Variants in FBXW11 observed in about 807,000 individuals in gnomAD.
FBXW11 encodes F-box and WD repeat domain containing 11.
In FBXW11, 19 loss-of-function variants were observed where a neutral mutation model predicts 77.6. The ratio of observed to expected loss-of-function variants is 0.24; its 90% CI spans 0.17 to 0.36. The LOEUF is 0.36. Among genes scored for constraint, FBXW11 ranks in the 10% least tolerant of loss-of-function variants. The probability of loss-of-function intolerance (pLI) is 1.00; values close to 1 mark genes in which losing one functional copy is unlikely to be tolerated. For synonymous variants in FBXW11, 235 were observed against 249.4 expected (o/e 0.94, Z 0.54); for missense variants, 334 against 704.2 (o/e 0.47, Z 5.95).
chr5:171,990,801 G>A (rs1765694146), intron 1 of FBXW11, among the ~76,000 whole-genome samples: 1 of 152,060 alleles, frequency 6.6e-6, no homozygotes, highest in Non-Finnish European at 1.5e-5. Context: ...TGGCTAGAAG[G>A]AATGAGAAAC....
intron 4 of FBXW11, among the ~76,000 whole-genome samples, chr5:171,909,706 TGCACGTGC>T (rs1561673272): frequency 6.6e-6 from 1 of 152,116 alleles, no homozygotes; most frequent in Non-Finnish European, 1.5e-5. Flanking sequence ...TGTGTGTGTG[TGCACGTGC>T]GCGCGTGCAT....
chr5:171,985,154 G>A (rs1237311030), intron 1 of FBXW11, among the ~76,000 whole-genome samples: 1 of 152,010 alleles, frequency 6.6e-6, no homozygotes, highest in East Asian at 1.9e-4. Context: ...CCTTCCCTGG[G>A]ACATTCCAAC....
At chr5:171,940,937 T>A (rs927254387) in intron 2 of FBXW11, among the ~76,000 whole-genome samples, 1 of 149,522 alleles carries the variant, frequency 6.7e-6, no homozygotes, top group East Asian at 1.9e-4. Context: ...CTGCCTAAAC[T>A]TTAAACACTC....
intron 1 of FBXW11, among the ~76,000 whole-genome samples, chr5:171,987,069 A>C (rs10039636): frequency 3.1e-4 from 47 of 152,032 alleles, no homozygotes; most frequent in African/African-American, 1.1e-3. Context: ...ATGCTCTTTA[A>C]GAGAATCCAG....
chr5:171,975,985 A>T (rs1333351593), intron 1 of FBXW11, among the ~76,000 whole-genome samples: 1 of 152,192 alleles, frequency 6.6e-6, no homozygotes, highest in Non-Finnish European at 1.5e-5. Context: ...AGGAGACTAT[A>T]TACAGCATTT....
chr5:171,923,960 C>T (rs1761747125), intron 2 of FBXW11, among the ~76,000 whole-genome samples: 1 of 106,046 alleles, frequency 9.4e-6, no homozygotes, highest in Non-Finnish European at 1.7e-5. Flanking sequence ...GAGTCTTGCT[C>T]TGTTGCCCAG....
chr5:171,885,630 T>C (rs997036341), intron 7 of FBXW11, among the ~76,000 whole-genome samples: 1 of 152,238 alleles, frequency 6.6e-6, no homozygotes, highest in Non-Finnish European at 1.5e-5. Flanking sequence ...TCCCTTCTTT[T>C]AATCTTTCCA....
At chr5:171,896,628 C>A (rs1032978958) in intron 6 of FBXW11, among the ~76,000 whole-genome samples, 3 of 152,172 alleles carry the variant, frequency 2.0e-5, no homozygotes, top group Non-Finnish European at 4.4e-5. Flanking sequence ...CTAGACAGAC[C>A]TCAGTTAAAA....
intron 1 of FBXW11, among the ~76,000 whole-genome samples, chr5:171,965,433 C>T (rs1313721458): frequency 3.3e-5 from 5 of 150,870 alleles, no homozygotes; most frequent in African/African-American, 4.9e-5. Flanking sequence ...GGCTGAGGCA[C>T]GAGAATTGCT....
chr5:171,897,372 T>C (rs149475368), intron 6 of FBXW11, among the ~76,000 whole-genome samples: 50 of 152,306 alleles, frequency 3.3e-4, no homozygotes, highest in African/African-American at 1.1e-3. Context: ...CCAGTGGGTT[T>C]TTCCAAACCA....
chr5:171,893,421 C>CA (rs397999920), intron 6 of FBXW11, among the ~76,000 whole-genome samples: 917 of 39,804 alleles, frequency 0.023, 133 homozygotes, highest in African/African-American at 0.068. Context: ...ACTTCAAAAC[C>CA]AAAAAAAAAA....
intron 6 of FBXW11, 139 bp from the exon 7 acceptor site, chr5:171,891,743 C>T: frequency 1.3e-6 from 1 of 749,600 alleles, no homozygotes; most frequent in East Asian, 2.9e-5. Flanking sequence ...TGGATAGGAT[C>T]ATGCTCTTTT....
chr5:172,005,021 G>C (rs1766647763), intron 1 of FBXW11, among the ~76,000 whole-genome samples: 1 of 152,102 alleles, frequency 6.6e-6, no homozygotes, highest in Non-Finnish European at 1.5e-5. Context: ...TTATGCTACT[G>C]TACTTCCATT....
At chr5:171,872,819 C>A in intron 10 of FBXW11, 53 bp downstream of exon 10, 1 of 1,340,932 alleles carries the variant, frequency 7.5e-7, no homozygotes, top group Non-Finnish European at 1.1e-6. Context: ...GGAGATGAGT[C>A]AACAATGTGG....
intron 6 of FBXW11, among the ~76,000 whole-genome samples, chr5:171,892,524 C>G (rs527346314): frequency 4.5e-4 from 68 of 152,268 alleles, no homozygotes; most frequent in Admixed American, 7.8e-4. Context: ...TGCGGCAGTG[C>G]ACACAGAACG....
intron 9 of FBXW11, among the ~76,000 whole-genome samples, chr5:171,875,250 T>TAAAAAA (rs55689036): frequency 6.7e-6 from 1 of 148,188 alleles, no homozygotes; most frequent in Admixed American, 6.6e-5. Flanking sequence ...TCTGTACTTT[T>TAAAAAA]AAAAAAAAAA....
intron 6 of FBXW11, among the ~76,000 whole-genome samples, chr5:171,898,766 C>T (rs1195189900): frequency 6.6e-6 from 1 of 152,158 alleles, no homozygotes; most frequent in Non-Finnish European, 1.5e-5. Context: ...AATTAACCGG[C>T]AGCCTTGCAG....
At chr5:171,894,909 C>T (rs926895945) in intron 6 of FBXW11, among the ~76,000 whole-genome samples, 2 of 152,114 alleles carry the variant, frequency 1.3e-5, no homozygotes, top group African/African-American at 2.4e-5. Flanking sequence ...CAGTTATGTT[C>T]TTCTTCAGTT....
chr5:171,913,874 C>CACACACACACAA (rs1561677978), intron 3 of FBXW11, among the ~76,000 whole-genome samples: 2 of 149,736 alleles, frequency 1.3e-5, no homozygotes, highest in African/African-American at 2.5e-5. Context: ...CACACACACA[C>CACACACACACAA]AACCTGGGAA....
Sources: allele counts gnomAD v4.1 joint callset (sites outside exome capture counted in the v4.1 genomes callset), GRCh38; gene constraint gnomAD v4.1.1; transcripts MANE v1.5; gene names NCBI Gene and HGNC (gene_info 2026-07-23, HGNC 2026-07-21).